The following LEFTY2 variants were observed in gnomAD, a reference collection of about 807,000 sequenced individuals.
The protein encoded by LEFTY2 is left-right determination factor 2.
Under a neutral mutation model 26.4 loss-of-function variants are expected in LEFTY2, and 10 were observed. The ratio of observed to expected loss-of-function variants is 0.38; its 90% CI spans 0.23 to 0.64. LEFTY2 has a LOEUF of 0.64. Ranked by LOEUF, LEFTY2 falls within the 30% of genes least tolerant of loss-of-function variation. The probability of loss-of-function intolerance (pLI) is 0.56; values close to 1 mark genes in which losing one functional copy is unlikely to be tolerated. For synonymous variants in LEFTY2, 204 were observed against 234.1 expected, an observed-to-expected ratio of 0.87 and a Z score of 1.17; for missense variants, 407 against 502.1, an observed-to-expected ratio of 0.81 and a Z score of 1.81.
chr1:225,940,816 C>G lies in LEFTY2; in HGVS notation c.250+75G>C, dbSNP rs544362133. 22 of 1,604,306 alleles carry G rather than the reference C, an allele frequency of 1.4e-5. No individual in the cohort carries two copies. In the East Asian group the frequency reaches 2.5e-4, roughly 18 times the overall value. Reference sequence around the variant, plus strand: ...GAGTCCCAAAAGGCCAGGGGCCCTTCGACACCTCCAGAGTGGGCACAACCG... The same window carrying G: ...GAGTCCCAAAAGGCCAGGGGCCCTTGGACACCTCCAGAGTGGGCACAACCG... On this transcript the variant is annotated intron_variant, in intron 1 of 3. Transcript: ENST00000366820.
At chr1:225,938,668 T>TG (rs1357385323) in intron 3 of LEFTY2, among the ~76,000 whole-genome samples, 1 of 151,682 alleles carries the variant, frequency 6.6e-6, no homozygotes, top group Admixed American at 6.6e-5. Context: ...ATTTTTTTTT[T>TG]GTCGTTTCTT....
rs745493924 is a variant in LEFTY2 at position 225,939,579 on chromosome 1, G to A, written c.519C>T (p.Ser173=). The part of the protein sequence containing the change: ...IDSRLVSVHE[S]GWKAFDVTEA... ...CGGTCACGTCGAAGGCCTTCCAGCCGCTCTCGTGGACGGACACCAGCCTGA... is the reference window on the plus strand; with the variant it reads ...CGGTCACGTCGAAGGCCTTCCAGCCACTCTCGTGGACGGACACCAGCCTGA... The change falls in exon 3 of 4, where the codon AGC becomes AGT. Residue 173 remains serine (S), a synonymous_variant. Transcript: ENST00000366820. This position sits in a 1 kb window ranked among gnomAD's most constrained non-coding sequence, Gnocchi z 4.1. The A allele has an allele frequency of 6.2e-7, 1 of 1,612,572 alleles. No individual in the cohort carries two copies.
rs1474159413 is a variant in LEFTY2, at chr1:225,937,728, G to A, written c.814C>T (p.Leu272=). Residue 272 remains leucine, a synonymous_variant, in exon 4 of 4, where the codon CTG becomes TTG. Transcript: ENST00000366820. ...RCCRQEMYID[L]QGMKWAKNWV... ...TTCTTGGCCCACTTCATCCCCTGCA[G>A]GTCAATGTACATCTCCTGGCGGCAG... 3.7e-6 allele frequency: 6 copies of A among 1,612,432 alleles called. No homozygotes were observed. Among genetic ancestry groups the A allele is most frequent in the Non-Finnish European group, 2.5e-6 (3 of 1,178,766 alleles).
At chr1:225,940,197 G>A (rs1576157823) in intron 1 of LEFTY2, 195 bp from the exon 2 acceptor site, 1 of 910,936 alleles carries the variant, frequency 1.1e-6, no homozygotes, top group Non-Finnish European at 1.7e-6. Context: ...AGGGGGGCCT[G>A]TGGGACCCTG....
At position 225,937,274 on chromosome 1, in the gene LEFTY2, G is replaced by A; in HGVS notation, c.*167C>T. 9.5e-7 allele frequency: 1 copy of A among 1,053,442 alleles called. No homozygotes were observed. Among genetic ancestry groups the A allele is most frequent in the Non-Finnish European group, 1.4e-6 (1 of 709,062 alleles). 65.3% of individuals were successfully genotyped at this position (1,053,442 alleles called of 1,614,324 possible). ...ATTATTTACTCACGTAAGTGCTTAG[G>A]ATGGGTGATGGACGGGAAAGACAGG... On this transcript the variant is annotated 3_prime_UTR_variant, in exon 4 of 4. Coordinates refer to ENST00000366820, the MANE Select transcript of LEFTY2 (RefSeq NM_003240.5).
At chr1:225,937,889 G>C (rs576573709) in intron 3 of LEFTY2, 85 bp from the exon 4 acceptor site, 1 of 1,496,752 alleles carries the variant, frequency 6.7e-7, no homozygotes, top group East Asian at 2.4e-5. Context: ...GGGCACCTGG[G>C]AGGGAGGTTT....
chr1:225,937,051 T>C lies in LEFTY2; in HGVS notation c.*390A>G. The C allele has an allele frequency of 3.2e-6, 1 of 317,050 alleles. No individual in the cohort carries two copies. The allele number at this position is 317,050 out of a possible 1,614,324, so 19.6% of individuals were successfully genotyped here. On this transcript the variant is annotated 3_prime_UTR_variant, in exon 4 of 4. Coordinates refer to ENST00000366820, the MANE Select transcript of LEFTY2 (RefSeq NM_003240.5). ...GTCAGTATTTGGGGGAAATAGAGATTTGAAGGTTTTAATTCCTCATATAAC... is the reference window on the plus strand; with the variant it reads ...GTCAGTATTTGGGGGAAATAGAGATCTGAAGGTTTTAATTCCTCATATAAC...
intron 1 of LEFTY2, 88 bp downstream of exon 1, chr1:225,940,803 G>A: frequency 1.9e-6 from 3 of 1,592,272 alleles, no homozygotes; most frequent in Non-Finnish European, 2.6e-6. Flanking sequence ...GTCCCAAAAG[G>A]CCAGGGGCCC....
At chr1:225,940,056 A>G (rs757812701) in intron 1 of LEFTY2, 54 bp from the exon 2 acceptor site, 287 of 1,593,790 alleles carry the variant, frequency 1.8e-4, no homozygotes, top group Non-Finnish European at 2.4e-4. Context: ...CGGAGCTCTG[A>G]GGATGGCAGG....
Position 225,941,080 on chromosome 1 carries a change from C to T in LEFTY2, c.61G>A (p.Ala21Thr). ...WVLPLAGPGA[A>T]LTEEQLLGSL... ...CCCAGGAGCTGCTCCTCGGTCAGGG[C>T]CGCCCCGGGGCCAGCCAGGGGCAGC... The change falls in exon 1 of 4, where the codon GCC (alanine) becomes ACC (threonine). Residue 21 changes from alanine (A) to threonine (T), a missense_variant. Physicochemically the swap from Ala to Thr is moderately conservative, Grantham distance 58 (BLOSUM62 0). Coordinates refer to ENST00000366820, the MANE Select transcript of LEFTY2 (RefSeq NM_003240.5). The T allele has an allele frequency of 1.3e-6, 2 of 1,599,718 alleles. No individual in the cohort carries two copies. Among genetic ancestry groups the T allele is most frequent in the Non-Finnish European group, 8.5e-7 (1 of 1,173,126 alleles).
At position 225,937,619 on chromosome 1, in the gene LEFTY2, C is replaced by A. The variant is rs1479157777; in HGVS notation, c.923G>T (p.Trp308Leu). ...QQPPEALAFN[W>L]PFLGPRQCIA... ...ACACTGTCGCGGCCCCAGAAATGGC[C>A]AATTGAAGGCCAGGGCCTCCGGGGG... The change falls in exon 4 of 4, where the codon TGG becomes TTG. Residue 308 changes from tryptophan to leucine, a missense_variant. Transcript: ENST00000366820. The A allele has an allele frequency of 1.2e-6, 2 of 1,614,002 alleles. No homozygotes were observed. Among genetic ancestry groups the A allele is most frequent in the African/African-American group, 2.7e-5 (2 of 74,922 alleles).
chr1:225,940,087 G>T, intron 1 of LEFTY2, 85 bp from the exon 2 acceptor site: 2 of 1,581,860 alleles, frequency 1.3e-6, no homozygotes, highest in Non-Finnish European at 1.7e-6. Context: ...TGGCAGCCAG[G>T]CCAGGAGACA....
Sources: allele counts gnomAD v4.1 joint callset (sites outside exome capture counted in the v4.1 genomes callset), GRCh38; gene constraint gnomAD v4.1.1; non-coding constraint Gnocchi (gnomAD v3.1); transcripts MANE v1.5; gene names NCBI Gene and HGNC (gene_info 2026-07-23, HGNC 2026-07-21).